Variants in BAZ2B observed in about 807,000 individuals in gnomAD.
BAZ2B encodes bromodomain adjacent to zinc finger domain 2B, also known as bromodomain adjacent to zinc finger domain protein 2B.
A neutral mutation model predicts 246.0 loss-of-function variants in BAZ2B; 91 were observed. The ratio of observed to expected loss-of-function variants is 0.37; its 90% CI spans 0.31 to 0.44. The LOEUF is 0.44. Among genes scored for constraint, BAZ2B ranks in the 20% least tolerant of loss-of-function variants. The pLI, the probability that BAZ2B is intolerant of heterozygous loss-of-function variation, is 1.00. For missense variants in BAZ2B, 2,332 were observed against 2,533.7 expected (o/e 0.92, Z 1.71); for synonymous variants, 855 against 860.0 (o/e 0.99, Z 0.10).
At chr2:159,621,597 A>G in the BAZ2B span, among the ~76,000 whole-genome samples, 3 of 152,218 alleles carry the variant, frequency 2.0e-5, no homozygotes, top group African/African-American at 7.2e-5. Flanking sequence ...AAAATGAGAA[A>G]TTGACCCAAG....
At chr2:159,637,724 A>AT in the BAZ2B span, among the ~76,000 whole-genome samples, 1 of 151,870 alleles carries the variant, frequency 6.6e-6, no homozygotes. Context: ...TGCCCGAGTA[A>AT]TTTTTTTTGT....
chr2:159,361,650 G>T (rs2059701874), intron 27 of BAZ2B, among the ~76,000 whole-genome samples: 1 of 152,136 alleles, frequency 6.6e-6, no homozygotes, highest in Admixed American at 6.5e-5. Flanking sequence ...AAAGACACAT[G>T]CACATGTATG....
intron 2 of BAZ2B, among the ~76,000 whole-genome samples, chr2:159,506,124 T>A (rs1390896403): frequency 3.3e-5 from 5 of 152,118 alleles, no homozygotes; most frequent in African/African-American, 4.8e-5. Flanking sequence ...TTACTATAAC[T>A]AGAGTAGGCA....
chr2:159,431,544 A>C (rs2193921), intron 9 of BAZ2B, among the ~76,000 whole-genome samples: 21,346 of 152,136 alleles, frequency 0.14, 2,064 homozygotes, highest in Admixed American at 0.35. Flanking sequence ...TGAGAAAGAG[A>C]AATCTGAAAC....
intron 2 of BAZ2B, among the ~76,000 whole-genome samples, chr2:159,547,645 A>G (rs1185042329): frequency 1.3e-5 from 2 of 152,314 alleles, no homozygotes; most frequent in East Asian, 3.9e-4. Context: ...AGTCACCTTA[A>G]TTCAGGAAAT....
intron 4 of BAZ2B, among the ~76,000 whole-genome samples, chr2:159,452,802 C>T (rs2075262683): frequency 1.3e-5 from 2 of 152,074 alleles, no homozygotes; most frequent in African/African-American, 4.8e-5. Flanking sequence ...TTGTTTTGAT[C>T]AAATACAGAA....
chr2:159,539,058 G>A (rs1325863033), intron 2 of BAZ2B, among the ~76,000 whole-genome samples: 1 of 152,148 alleles, frequency 6.6e-6, no homozygotes, highest in African/African-American at 2.4e-5. Context: ...AAAACGCAGG[G>A]GGCGGAAATC....
intron 2 of BAZ2B, among the ~76,000 whole-genome samples, chr2:159,534,160 T>A (rs2085675021): frequency 6.6e-6 from 1 of 152,224 alleles, no homozygotes; most frequent in African/African-American, 2.4e-5. Flanking sequence ...TCTGAAGGGA[T>A]GTGTAAAGCA....
intron 2 of BAZ2B, among the ~76,000 whole-genome samples, chr2:159,541,583 G>A (rs1224907035): frequency 1.3e-5 from 2 of 152,058 alleles, no homozygotes; most frequent in African/African-American, 2.4e-5. Context: ...CCAGCCAAAA[G>A]TCCTTGTTAT....
chr2:159,574,665 C>T (rs560827398), intron 1 of BAZ2B, among the ~76,000 whole-genome samples: 9 of 152,258 alleles, frequency 5.9e-5, no homozygotes, highest in African/African-American at 2.2e-4. Flanking sequence ...ATGACACACT[C>T]ATACAATGAA....
At chr2:159,611,633 T>C (rs1694741865) in intron 1 of BAZ2B, among the ~76,000 whole-genome samples, 1 of 151,990 alleles carries the variant, frequency 6.6e-6, no homozygotes, top group South Asian at 2.1e-4. Context: ...ATCAATTTCA[T>C]ATTTTAAGTA....
chr2:159,325,077 T>TTATATATATATATATATTATATA (rs1209767618), intron 35 of BAZ2B, 123 bp from the exon 36 acceptor site: 1 of 2,444 alleles, frequency 4.1e-4, no homozygotes, highest in African/African-American at 7.7e-4. Context: ...TATATATATA[T>TTATATATATATATATATTATATA]TATATATATA....
the BAZ2B span, among the ~76,000 whole-genome samples, chr2:159,699,610 A>G: frequency 6.6e-6 from 1 of 152,212 alleles, no homozygotes; most frequent in Non-Finnish European, 1.5e-5. Flanking sequence ...TAGAGCTTAC[A>G]ATAAATCAGT....
intron 11 of BAZ2B, 101 bp from the exon 12 acceptor site, chr2:159,428,520 A>G: frequency 1.2e-6 from 1 of 804,300 alleles, no homozygotes; most frequent in Non-Finnish European, 1.8e-6. Flanking sequence ...GAAAACATAA[A>G]AAATGAAAAC....
chr2:159,418,936 T>C (rs1224367704), intron 13 of BAZ2B, among the ~76,000 whole-genome samples: 1 of 152,156 alleles, frequency 6.6e-6, no homozygotes, highest in Non-Finnish European at 1.5e-5. Flanking sequence ...AAAATATTTG[T>C]GGGGTATGTT....
chr2:159,462,863 A>T (rs188574023), intron 3 of BAZ2B: 2 of 1,602,170 alleles, frequency 1.2e-6, no homozygotes, highest in Non-Finnish European at 1.7e-6. Context: ...GGTCTTTCAC[A>T]TAGGCTCTTA....
chr2:159,423,493 T>C (rs1243643876), intron 13 of BAZ2B, among the ~76,000 whole-genome samples: 2 of 152,122 alleles, frequency 1.3e-5, no homozygotes, highest in Non-Finnish European at 2.9e-5. Context: ...AGAACTACCA[T>C]TAGACCCAGC....
the BAZ2B span, among the ~76,000 whole-genome samples, chr2:159,636,922 C>T: frequency 6.6e-6 from 1 of 152,184 alleles, no homozygotes; most frequent in Non-Finnish European, 1.5e-5. Context: ...TTCCAGATGA[C>T]ATTTCTAGAC....
At chr2:159,361,139 G>T (rs946244910) in intron 27 of BAZ2B, among the ~76,000 whole-genome samples, 5 of 152,158 alleles carry the variant, frequency 3.3e-5, no homozygotes, top group Non-Finnish European at 5.9e-5. Context: ...CACAGCAAAA[G>T]AAACTATCAT....
Sources: allele counts gnomAD v4.1 joint callset (sites outside exome capture counted in the v4.1 genomes callset), GRCh38; gene constraint gnomAD v4.1.1; transcripts MANE v1.5; gene names NCBI Gene and HGNC (gene_info 2026-07-23, HGNC 2026-07-21).